A1CF: variants seen among roughly 807,000 people sequenced by gnomAD.
A1CF encodes the protein APOBEC1 complementation factor.
A1CF carries 48 observed loss-of-function variants against 68.9 expected under a neutral mutation model. That is an observed-to-expected ratio of 0.70 (90% confidence interval 0.55 to 0.89). The LOEUF (loss-of-function observed/expected upper bound fraction) is 0.89, where lower values mean the gene tolerates loss of function less well. Among genes scored for constraint, A1CF ranks in the 40% least tolerant of loss-of-function variants. A1CF has a pLI of 0.00. For synonymous variants in A1CF, 272 were observed against 260.4 expected (o/e 1.04, Z -0.43); for missense variants, 653 against 718.9 (o/e 0.91, Z 1.05).
intron 12 of A1CF, 34 bp from the exon 13 acceptor site, chr10:50,806,914 G>A: frequency 6.3e-7 from 1 of 1,588,192 alleles, no homozygotes; most frequent in South Asian, 1.2e-5. Flanking sequence ...TTGATGAAAG[G>A]AATTCACATT....
chr10:50,852,595 C>A (rs1840298392), intron 3 of A1CF, among the ~76,000 whole-genome samples: 1 of 152,114 alleles, frequency 6.6e-6, no homozygotes, highest in Non-Finnish European at 1.5e-5. Flanking sequence ...GGTGAATGAC[C>A]TAAGTCCTTG....
In A1CF at chr10:50,859,989, A is replaced by G. The variant is rs765830272; in HGVS notation, c.-45-4T>C. ...TCAGGTTAATTAGGGTTGCTCACTG[A>G]AACCAAATTTAAGATAAATTAAGTA... On this transcript the variant is annotated splice_polypyrimidine_tract_variant and splice_region_variant and intron_variant, in intron 2 of 12. Transcript: ENST00000373997. 1.0e-5 allele frequency: 15 copies of G among 1,462,408 alleles called. No individual in the cohort carries two copies. In the African/African-American group the frequency reaches 2.0e-4, roughly 19 times the overall value. The allele number at this position is 1,462,408 out of a possible 1,614,324, so 90.6% of individuals were successfully genotyped here.
chr10:50,839,787 G>A (rs112615717), intron 5 of A1CF, among the ~76,000 whole-genome samples: 2,518 of 152,228 alleles, frequency 0.017, 54 homozygotes, highest in African/African-American at 0.056. Flanking sequence ...CGCTCTTCTT[G>A]CCCAGGCTGG....
rs1443175237 is a variant in A1CF at position 50,800,120 on chromosome 10, T to G, written c.*6609A>C. Reference sequence around the variant, plus strand: ...GATTTTAAAATTTTATAAACACAAATGTATTTAGAAAACAGAAATAGTTAA... The same window carrying G: ...GATTTTAAAATTTTATAAACACAAAGGTATTTAGAAAACAGAAATAGTTAA... On this transcript the variant is annotated 3_prime_UTR_variant, in exon 13 of 13. Coordinates refer to ENST00000373997, the MANE Select transcript of A1CF (RefSeq NM_014576.4). 6.6e-6 allele frequency: 1 copy of G among 152,142 alleles called. No homozygotes were observed. Among genetic ancestry groups the G allele is most frequent in the Non-Finnish European group, 1.5e-5 (1 of 67,974 alleles). 9.4% of individuals were successfully genotyped at this position (152,142 alleles called of 1,614,324 possible). A position where few individuals can be genotyped will look rare whatever the true frequency, so the allele number is the denominator to read the frequency against.
intron 6 of A1CF, among the ~76,000 whole-genome samples, chr10:50,829,687 T>C (rs1208460657): frequency 2.0e-5 from 3 of 152,172 alleles, no homozygotes; most frequent in Admixed American, 2.0e-4. Context: ...TCCTTTCCCC[T>C]TGTATGCTTT....
At chr10:50,837,642 A>G (rs967567833) in intron 5 of A1CF, among the ~76,000 whole-genome samples, 5 of 152,290 alleles carry the variant, frequency 3.3e-5, no homozygotes, top group African/African-American at 1.2e-4. Context: ...TACGTTTACC[A>G]TCTCTAGTTC....
At chr10:50,830,036 T>A (rs763842033) in intron 6 of A1CF, among the ~76,000 whole-genome samples, 8 of 152,212 alleles carry the variant, frequency 5.3e-5, no homozygotes, top group Non-Finnish European at 8.8e-5. Context: ...CTCAATACTT[T>A]TTTTTGGTGG....
At chr10:50,838,857 A>T (rs1238997678) in intron 5 of A1CF, among the ~76,000 whole-genome samples, 1 of 151,904 alleles carries the variant, frequency 6.6e-6, no homozygotes, top group East Asian at 1.9e-4. Context: ...TTAAGGTAAC[A>T]CTCTGCCTTT....
chr10:50,827,115 G>A (rs1440970448), intron 7 of A1CF, among the ~76,000 whole-genome samples: 3 of 152,132 alleles, frequency 2.0e-5, no homozygotes, highest in Non-Finnish European at 4.4e-5. Context: ...CAATACAGGA[G>A]TACCCAGAGT....
chr10:50,869,236 T>C (rs1841139506), intron 1 of A1CF, among the ~76,000 whole-genome samples: 1 of 152,270 alleles, frequency 6.6e-6, no homozygotes, highest in African/African-American at 2.4e-5. Context: ...GATACCTAAC[T>C]TGAAGGTTCT....
At chr10:50,852,685 G>A (rs1840302991) in intron 3 of A1CF, among the ~76,000 whole-genome samples, 1 of 152,122 alleles carries the variant, frequency 6.6e-6, no homozygotes, top group Non-Finnish European at 1.5e-5. Context: ...TTGCCATGAA[G>A]TCAAATTCCT....
intron 3 of A1CF, among the ~76,000 whole-genome samples, chr10:50,846,371 A>G (rs1218299419): frequency 6.6e-6 from 1 of 152,214 alleles, no homozygotes; most frequent in African/African-American, 2.4e-5. Flanking sequence ...AGCATTTTGG[A>G]TAAAAGATAC....
chr10:50,872,719 C>T (rs1197395549), intron 1 of A1CF, among the ~76,000 whole-genome samples: 3 of 151,924 alleles, frequency 2.0e-5, no homozygotes, highest in East Asian at 1.9e-4. Context: ...ATAGCTCCTT[C>T]GAGGAGTGGT....
At position 50,841,993 on chromosome 10, in the gene A1CF, C is replaced by T. The variant is rs748965520; in HGVS notation, c.235-1G>A. 1.2e-6 allele frequency: 2 copies of T among 1,606,354 alleles called. No homozygotes were observed. The highest frequency in any genetic ancestry group is 1.7e-6 in the Non-Finnish European group (2 of 1,174,570). Reference sequence around the variant, plus strand: ...TTCTCATTTCATAAATTTTACCGATCTGCAAGTAATAGAAATAGAACATTT... The same window carrying T: ...TTCTCATTTCATAAATTTTACCGATTTGCAAGTAATAGAAATAGAACATTT... On this transcript the variant is annotated splice_acceptor_variant, in intron 4 of 12. Transcript: ENST00000373997. LOFTEE classifies it high-confidence loss of function.
rs1486879321 is a variant in A1CF, at chr10:50,809,838, A to G, written c.1609+56T>C. ...TTTCTGTGATTCAATGGTACCAAAA[A>G]AGGGTTTCCCAAATACTCTCTGCAG... On this transcript the variant is annotated intron_variant, in intron 12 of 12. Coordinates refer to ENST00000373997, the MANE Select transcript of A1CF (RefSeq NM_014576.4). The G allele has an allele frequency of 3.6e-5, 58 of 1,602,888 alleles. No individual in the cohort carries two copies. The Admixed American group carries it at 4.9e-4, about 13-fold the overall frequency.
chr10:50,824,025 A>G (rs886777294), intron 7 of A1CF: 10 of 152,182 alleles, frequency 6.6e-5, no homozygotes, highest in Non-Finnish European at 1.5e-4. Context: ...TTAATGCAGC[A>G]GATGTCTGCT....
At position 50,828,278 on chromosome 10, in the gene A1CF, C is replaced by A. The variant is rs749028994; in HGVS notation, c.622G>T (p.Gly208Ter). ...KLLPGRIQLW[G>*]HGIAVDWAEP... ...GCCCAGTCTACTGCAATACCATGTC[C>A]CCATAACTGAATTCTTCCTGTTGAA... Residue 208 changes from glycine to a stop codon, truncating the protein, a stop_gained, in exon 7 of 13, where the codon GGA becomes TGA. Coordinates refer to ENST00000373997, the MANE Select transcript of A1CF (RefSeq NM_014576.4). LOFTEE classifies it high-confidence loss of function. 3.2e-6 allele frequency: 5 copies of A among 1,557,120 alleles called. No homozygotes were observed. Among genetic ancestry groups the A allele is most frequent in the Non-Finnish European group, 4.4e-6 (5 of 1,143,976 alleles).
intron 6 of A1CF, among the ~76,000 whole-genome samples, chr10:50,833,650 T>C (rs1839352061): frequency 6.6e-6 from 1 of 152,226 alleles, no homozygotes; most frequent in Non-Finnish European, 1.5e-5. Context: ...CTCCTTGTTC[T>C]TTTAAACTAG....
chr10:50,830,181 C>T (rs1019601759), intron 6 of A1CF, among the ~76,000 whole-genome samples: 2 of 152,112 alleles, frequency 1.3e-5, no homozygotes, highest in African/African-American at 4.8e-5. Context: ...AATATCTCTC[C>T]ATACCTCTGC....
Sources: gnomAD v4.1 joint callset for allele counts (sites outside exome capture counted in the v4.1 genomes callset) on GRCh38, gnomAD v4.1.1 for gene constraint, MANE v1.5 for transcripts, NCBI Gene and HGNC (gene_info 2026-07-23, HGNC 2026-07-21) for gene names.